TMEM65: variants seen among roughly 807,000 people sequenced by gnomAD.
TMEM65 encodes the protein transmembrane protein 65.
In TMEM65, 22 loss-of-function variants were observed where a neutral mutation model predicts 25.4. That is an observed-to-expected ratio of 0.86 (90% CI 0.62 to 1.23). The LOEUF (loss-of-function observed/expected upper bound fraction) is 1.23. Ranked by LOEUF, TMEM65 falls within the 50% of genes most tolerant of loss-of-function variation. The pLI, the probability that TMEM65 is intolerant of heterozygous loss-of-function variation, is 0.00. For synonymous variants in TMEM65, 132 were observed against 126.2 expected, an observed-to-expected ratio of 1.05 and a Z score of -0.31; for missense variants, 262 against 308.2, an observed-to-expected ratio of 0.85 and a Z score of 1.12.
At position 124,360,429 on chromosome 8, in the gene TMEM65, C is replaced by CAAAAAAAA. The variant is rs55829098; in HGVS notation, c.304+11417_304+11424dup. Among the ~76,000 whole-genome samples, 48 of 70,632 alleles carry CAAAAAAAA rather than the reference C, an allele frequency of 6.8e-4. 1 individual carries two copies. The highest frequency in any genetic ancestry group is 2.4e-3 in the African/African-American group (47 of 19,806). The allele number at this position is 70,632 out of a possible 152,430, so 46.3% of individuals were successfully genotyped here. A position where few individuals can be genotyped will look rare whatever the true frequency, so the allele number is the denominator to read the frequency against. ...TAGGTGACAGAGGGAGACTCTGTCA[C>CAAAAAAAA]AAAAAAAAAAAAAAAAAAAAAATCT... On this transcript the variant is annotated intron_variant, in intron 1 of 6. Transcript: ENST00000297632.
chr8:124,354,989 G>A (rs1348063832), intron 1 of TMEM65, among the ~76,000 whole-genome samples: 1 of 152,096 alleles, frequency 6.6e-6, no homozygotes, highest in Non-Finnish European at 1.5e-5. Flanking sequence ...AAAAAATTCG[G>A]TGGGAAAAAC....
rs1382076069 is a variant in TMEM65, at chr8:124,308,263, C to A, written c.*5697G>T. 6.6e-6 allele frequency: 1 copy of A among 152,206 alleles called. No individual in the cohort carries two copies. The highest frequency in any genetic ancestry group is 1.5e-5 in the Non-Finnish European group (1 of 68,086). The allele number at this position is 152,206 out of a possible 1,614,324, so 9.4% of individuals were successfully genotyped here. On this transcript the variant is annotated 3_prime_UTR_variant, in exon 7 of 7. Coordinates refer to ENST00000297632, the MANE Select transcript of TMEM65 (RefSeq NM_194291.3). ...TCAATACTAAAGGCATCGAAGTGAT[C>A]TATTTGCCCCCAAACACAATGTCTC...
At chr8:124,341,266 A>C (rs1236509048) in intron 1 of TMEM65, among the ~76,000 whole-genome samples, 3 of 152,084 alleles carry the variant, frequency 2.0e-5, no homozygotes, top group Non-Finnish European at 4.4e-5. Flanking sequence ...GAACAGGAAA[A>C]GTATAAAACA....
chr8:124,344,496 T>C (rs1226960336), intron 1 of TMEM65, among the ~76,000 whole-genome samples: 2 of 152,220 alleles, frequency 1.3e-5, no homozygotes, highest in African/African-American at 4.8e-5. Flanking sequence ...TTGCTAAAAC[T>C]GTTTCAGACA....
At chr8:124,355,010 A>C (rs1013056455) in intron 1 of TMEM65, among the ~76,000 whole-genome samples, 1 of 152,220 alleles carries the variant, frequency 6.6e-6, no homozygotes, top group African/African-American at 2.4e-5. Context: ...ACAGGAGAAC[A>C]ACATGAAGAA....
At chr8:124,323,466 A>G (rs1039004865) in intron 3 of TMEM65, 91 bp from the exon 4 acceptor site, 8 of 644,692 alleles carry the variant, frequency 1.2e-5, no homozygotes, top group African/African-American at 1.9e-5. Context: ...ATACAAGTTA[A>G]ATCAACATGT....
chr8:124,329,187 A>AT (rs1332034425), intron 2 of TMEM65, among the ~76,000 whole-genome samples: 49 of 151,850 alleles, frequency 3.2e-4, no homozygotes, highest in Middle Eastern at 3.4e-3. Context: ...ATAAAATGGG[A>AT]TTTTTTTTCA....
chr8:124,333,688 A>T (rs1814465603), intron 1 of TMEM65, among the ~76,000 whole-genome samples: 1 of 152,196 alleles, frequency 6.6e-6, no homozygotes, highest in Admixed American at 6.5e-5. Flanking sequence ...ACAACAAATT[A>T]ACTACCTGAA....
In TMEM65 at chr8:124,322,266, T is replaced by A. The variant is rs1586457145; in HGVS notation, c.473-119A>T. The A allele has an allele frequency of 2.9e-5, 20 of 684,928 alleles. No homozygotes were observed. In the East Asian group the frequency reaches 6.2e-4, roughly 21 times the overall value. The allele number at this position is 684,928 out of a possible 1,614,324, so 42.4% of individuals were successfully genotyped here. On this transcript the variant is annotated intron_variant, in intron 4 of 6. Transcript: ENST00000297632. The stretch of plus-strand genomic sequence containing the variant: ...TATTTCTCAAACAACAGCAACCATA[T>A]CCAAAGTAACTCATTGGACAGCTCT...
At chr8:124,359,933 C>G (rs1814838130) in intron 1 of TMEM65, among the ~76,000 whole-genome samples, 1 of 152,104 alleles carries the variant, frequency 6.6e-6, no homozygotes, top group Admixed American at 6.6e-5. Context: ...TTTTTCAGAG[C>G]TATCATATTG....
chr8:124,321,701 TGA>T (rs1260035823), intron 5 of TMEM65, among the ~76,000 whole-genome samples: 1 of 152,164 alleles, frequency 6.6e-6, no homozygotes, highest in Non-Finnish European at 1.5e-5. Context: ...GGTGGAATAA[TGA>T]GAGAGGTTCT....
chr8:124,341,975 G>T (rs1193335438), intron 1 of TMEM65, among the ~76,000 whole-genome samples: 1 of 151,874 alleles, frequency 6.6e-6, no homozygotes, highest in Non-Finnish European at 1.5e-5. Flanking sequence ...GAGAAGTATT[G>T]CCAAATAAGT....
intron 1 of TMEM65, among the ~76,000 whole-genome samples, chr8:124,337,526 A>C (rs2131209653): frequency 6.6e-6 from 1 of 152,180 alleles, no homozygotes; most frequent in Non-Finnish European, 1.5e-5. Context: ...ATAGGATTCC[A>C]TGTGAAGAAA....
chr8:124,329,831 A>T (rs1814410240), intron 2 of TMEM65, among the ~76,000 whole-genome samples: 1 of 151,910 alleles, frequency 6.6e-6, no homozygotes, highest in African/African-American at 2.4e-5. Flanking sequence ...TGATAATAGT[A>T]TACAGTATTA....
At chr8:124,370,124 T>A (rs559744488) in intron 1 of TMEM65, among the ~76,000 whole-genome samples, 2 of 152,294 alleles carry the variant, frequency 1.3e-5, no homozygotes, top group East Asian at 3.9e-4. Context: ...CACGTTAAAT[T>A]TAAAAATATT....
rs1814196289 is a variant in TMEM65, at chr8:124,313,748, T to A, written c.*212A>T. On this transcript the variant is annotated 3_prime_UTR_variant, in exon 7 of 7. Transcript: ENST00000297632. ...TGACTGCTATTGATGAAAAAGCATT[T>A]CAACAATATACACAAAATGATACTA... 2 of 481,126 alleles carry A rather than the reference T, an allele frequency of 4.2e-6. No homozygotes were observed. The highest frequency in any genetic ancestry group is 7.1e-5 in the East Asian group (2 of 28,036). The allele number at this position is 481,126 out of a possible 1,614,324, so 29.8% of individuals were successfully genotyped here.
intron 1 of TMEM65, among the ~76,000 whole-genome samples, chr8:124,345,805 G>A (rs571248206): frequency 1.3e-5 from 2 of 152,218 alleles, no homozygotes; most frequent in East Asian, 3.9e-4. Context: ...GTGCAATGGT[G>A]CAATCTCGGC....
intron 1 of TMEM65, among the ~76,000 whole-genome samples, chr8:124,366,643 CG>C (rs1563601323): frequency 6.6e-6 from 1 of 151,798 alleles, no homozygotes; most frequent in Admixed American, 6.6e-5. Flanking sequence ...TGAAGTCACA[CG>C]TAACTCTGGA....
At position 124,312,123 on chromosome 8, in the gene TMEM65, T is replaced by G. The variant is rs1186822912; in HGVS notation, c.*1837A>C. ...AAAGCACTTACACTTTACCCCACCC[T>G]TCCCCCCCCAAAAATTTAAGCACTC... is the stretch of plus-strand genomic sequence containing the variant. On this transcript the variant is annotated 3_prime_UTR_variant, in exon 7 of 7. Coordinates refer to ENST00000297632, the MANE Select transcript of TMEM65 (RefSeq NM_194291.3). The G allele has an allele frequency of 7.6e-6, 1 of 130,996 alleles. No individual in the cohort carries two copies. Among genetic ancestry groups the G allele is most frequent in the Non-Finnish European group, 1.6e-5 (1 of 61,222 alleles). The allele number at this position is 130,996 out of a possible 1,614,324, so 8.1% of individuals were successfully genotyped here. A position where few individuals can be genotyped will look rare whatever the true frequency, so the allele number is the denominator to read the frequency against.
Sources: allele counts gnomAD v4.1 joint callset (sites outside exome capture counted in the v4.1 genomes callset), GRCh38; gene constraint gnomAD v4.1.1; transcripts MANE v1.5; gene names NCBI Gene and HGNC (gene_info 2026-07-23, HGNC 2026-07-21).